Variants in TSHZ2 observed in about 807,000 individuals in gnomAD.
TSHZ2 encodes teashirt zinc finger homeobox 2.
A neutral mutation model predicts 74.4 loss-of-function variants in TSHZ2; 21 were observed. That is an observed-to-expected ratio of 0.28 (90% CI 0.20 to 0.41). TSHZ2 has a LOEUF of 0.41. Among genes scored for constraint, TSHZ2 ranks in the 10% least tolerant of loss-of-function variants. The pLI, the probability that TSHZ2 is intolerant of heterozygous loss-of-function variation, is 1.00. For synonymous variants in TSHZ2, 540 were observed against 515.3 expected, an observed-to-expected ratio of 1.05 and a Z score of -0.65; for missense variants, 1,244 against 1,293.5, an observed-to-expected ratio of 0.96 and a Z score of 0.59.
intron 2 of TSHZ2, among the ~76,000 whole-genome samples, chr20:53,449,461 A>G (rs1304072654): frequency 6.6e-6 from 1 of 152,276 alleles, no homozygotes; most frequent in South Asian, 2.1e-4. Context: ...AAGGCTGTCA[A>G]CAGTGACTGA....
At chr20:53,453,688 C>A (rs1984914893) in intron 2 of TSHZ2, among the ~76,000 whole-genome samples, 1 of 152,210 alleles carries the variant, frequency 6.6e-6, no homozygotes, top group African/African-American at 2.4e-5. Context: ...TTGGGGGAAT[C>A]CTTCATACAA....
intron 1 of TSHZ2, among the ~76,000 whole-genome samples, chr20:53,058,791 A>C (rs1984727352): frequency 6.6e-6 from 1 of 152,226 alleles, no homozygotes; most frequent in Non-Finnish European, 1.5e-5. Context: ...CCCTTTCTAG[A>C]AGCTCAGGAC....
chr20:53,187,702 T>C (rs1988633578), intron 1 of TSHZ2, among the ~76,000 whole-genome samples: 1 of 151,912 alleles, frequency 6.6e-6, no homozygotes, highest in Non-Finnish European at 1.5e-5. Flanking sequence ...TGCTGTTTTT[T>C]TTTAAGGTGA....
intron 1 of TSHZ2, among the ~76,000 whole-genome samples, chr20:53,205,992 G>A (rs981994110): frequency 5.3e-5 from 8 of 152,152 alleles, no homozygotes; most frequent in African/African-American, 1.7e-4. Flanking sequence ...AGGCCAAGGC[G>A]GGTGGATCAC....
chr20:53,455,097 AT>A (rs1985000284), intron 2 of TSHZ2, among the ~76,000 whole-genome samples: 1 of 151,660 alleles, frequency 6.6e-6, no homozygotes, highest in African/African-American at 2.4e-5. Flanking sequence ...GCAGCACCTG[AT>A]TAAAGCCTTT....
chr20:53,379,210 C>T (rs1437509054), intron 2 of TSHZ2, among the ~76,000 whole-genome samples: 5 of 152,088 alleles, frequency 3.3e-5, no homozygotes, highest in African/African-American at 1.2e-4. Context: ...GGCGAAACCC[C>T]GTCTCTATAA....
At chr20:53,122,312 A>C (rs2123354710) in intron 1 of TSHZ2, among the ~76,000 whole-genome samples, 1 of 149,694 alleles carries the variant, frequency 6.7e-6, no homozygotes, top group Admixed American at 6.7e-5. Flanking sequence ...AAGAAAGAAA[A>C]CAACAGCAAC....
At chr20:53,102,526 G>C (rs1409583275) in intron 1 of TSHZ2, among the ~76,000 whole-genome samples, 1 of 151,876 alleles carries the variant, frequency 6.6e-6, no homozygotes, top group Non-Finnish European at 1.5e-5. Flanking sequence ...GAGGAAAAAG[G>C]AATACTCTTA....
intron 1 of TSHZ2, among the ~76,000 whole-genome samples, chr20:53,004,247 C>T (rs1418986890): frequency 6.6e-6 from 1 of 151,464 alleles, no homozygotes; most frequent in Admixed American, 6.6e-5. Flanking sequence ...AAATTTCATC[C>T]AGAAATACAA....
chr20:53,385,771 C>A (rs1300498327), intron 2 of TSHZ2, among the ~76,000 whole-genome samples: 1 of 152,152 alleles, frequency 6.6e-6, no homozygotes, highest in Non-Finnish European at 1.5e-5. Flanking sequence ...CCAGGGATAA[C>A]AACGAGGAAC....
At chr20:53,346,267 G>A (rs1411880773) in intron 2 of TSHZ2, among the ~76,000 whole-genome samples, 3 of 152,088 alleles carry the variant, frequency 2.0e-5, no homozygotes, top group African/African-American at 7.2e-5. Context: ...TTCCTCTCCC[G>A]CTGACATGAC....
At chr20:53,347,536 A>G (rs1231699701) in intron 2 of TSHZ2, among the ~76,000 whole-genome samples, 2 of 152,114 alleles carry the variant, frequency 1.3e-5, no homozygotes, top group East Asian at 3.8e-4. Context: ...TCCAAATCAT[A>G]TATGACTACA....
intron 2 of TSHZ2, among the ~76,000 whole-genome samples, chr20:53,465,537 C>G (rs6097427): frequency 6.6e-6 from 1 of 152,072 alleles, no homozygotes; most frequent in South Asian, 2.1e-4. Flanking sequence ...TTCCAAATTG[C>G]TAGGATTGTA....
At chr20:53,154,334 C>G (rs1195130010) in intron 1 of TSHZ2, among the ~76,000 whole-genome samples, 1 of 152,114 alleles carries the variant, frequency 6.6e-6, no homozygotes. Context: ...AACATTGCTC[C>G]TATGTATGAT....
intron 1 of TSHZ2, among the ~76,000 whole-genome samples, chr20:53,100,947 T>C (rs1986198710): frequency 6.6e-6 from 1 of 152,014 alleles, no homozygotes; most frequent in South Asian, 2.1e-4. Flanking sequence ...AAACAATTGG[T>C]CCAATCTTAA....
At position 53,134,549 on chromosome 20, in the gene TSHZ2, C is replaced by G. The variant is rs75250676; in HGVS notation, c.41-118950C>G. Among the ~76,000 whole-genome samples, 22 of 152,056 alleles carry G rather than the reference C, an allele frequency of 1.4e-4. No individual in the cohort carries two copies. The East Asian group carries it at 3.7e-3, about 25-fold the overall frequency. On this transcript the variant is annotated intron_variant, in intron 1 of 2. Transcript: ENST00000371497. ...TGGAAAGGGGGGAGTTTGTGTATCT[C>G]AGGATTTTGACTTGTCTGTGTCTTC...
rs759325955 is a variant in TSHZ2 at position 53,253,560 on chromosome 20, G to A, written c.102G>A (p.Glu34=). ...EEEIKEEEEE[E]DSGSVAQLQG... ...AAATAAAAGAAGAGGAGGAGGAGGA[G>A]GACAGCGGTTCAGTAGCTCAACTGC... The change falls in exon 2 of 3, where the codon GAG becomes GAA. Residue 34 remains glutamate, a synonymous_variant. Transcript: ENST00000371497. 1.2e-6 allele frequency: 2 copies of A among 1,613,808 alleles called. No individual in the cohort carries two copies. The highest frequency in any genetic ancestry group is 2.2e-5 in the East Asian group (1 of 44,876).
In TSHZ2 at chr20:53,490,519, A is replaced by T. The variant is rs181501974; in HGVS notation, c.*3384A>T. 6.6e-6 allele frequency: 1 copy of T among 152,336 alleles called. No homozygotes were observed. Among genetic ancestry groups the T allele is most frequent in the East Asian group, 1.9e-4 (1 of 5,186 alleles). 9.4% of individuals were successfully genotyped at this position (152,336 alleles called of 1,614,324 possible). A position where few individuals can be genotyped will look rare whatever the true frequency, so the allele number is the denominator to read the frequency against. ...TTTTTTTTCTGAAAAGCATACAGAGAGGAAACAGCTTAAAAATAGGTCAAG... is the reference window on the plus strand; with the variant it reads ...TTTTTTTTCTGAAAAGCATACAGAGTGGAAACAGCTTAAAAATAGGTCAAG... On this transcript the variant is annotated 3_prime_UTR_variant, in exon 3 of 3. Coordinates refer to ENST00000371497, the MANE Select transcript of TSHZ2 (RefSeq NM_173485.6).
At chr20:53,420,418 A>G (rs950208801) in intron 2 of TSHZ2, among the ~76,000 whole-genome samples, 1 of 152,202 alleles carries the variant, frequency 6.6e-6, no homozygotes, top group African/African-American at 2.4e-5. Flanking sequence ...TGGAACACCA[A>G]GCTCATAAGA....
Sources: gnomAD v4.1 joint callset for allele counts (sites outside exome capture counted in the v4.1 genomes callset) on GRCh38, gnomAD v4.1.1 for gene constraint, MANE v1.5 for transcripts, NCBI Gene and HGNC (gene_info 2026-07-23, HGNC 2026-07-21) for gene names.